EPHB4: variants seen among roughly 807,000 people sequenced by gnomAD.
The protein encoded by EPHB4 is ephrin type-B receptor 4.
Under a neutral mutation model 110.6 loss-of-function variants are expected in EPHB4, and 50 were observed. The ratio of observed to expected loss-of-function variants is 0.45; its 90% CI spans 0.36 to 0.57. EPHB4 has a LOEUF of 0.57. Ranked by LOEUF, EPHB4 falls within the 20% of genes least tolerant of loss-of-function variation. The pLI, the probability that EPHB4 is intolerant of heterozygous loss-of-function variation, is 0.00. For synonymous variants in EPHB4, 592 were observed against 578.4 expected (o/e 1.02, Z -0.34); for missense variants, 1,128 against 1,382.1 (o/e 0.82, Z 2.91).
rs1488860277 is a variant in EPHB4, at chr7:100,813,943, A to G, written c.1667T>C (p.Ile556Thr). 7 of 1,614,118 alleles carry G rather than the reference A, an allele frequency of 4.3e-6. No homozygotes were observed. The highest frequency in any genetic ancestry group is 2.2e-5 in the South Asian group (2 of 91,078). ...VVGVVLVLVVIVVAVLCLRKQ... is the reference protein window; with the variant it reads ...VVGVVLVLVVTVVAVLCLRKQ... ...CCTGAGGCAGAGAACTGCGACCACA[A>G]TGACCACCAGGACCAGGACCACACC... The change falls in exon 9 of 17, where the codon ATT (isoleucine) becomes ACT (threonine). Residue 556 changes from isoleucine to threonine, a missense_variant. Physicochemically the swap from Ile to Thr is moderately conservative, Grantham distance 89. Around this residue, in one of 3 missense-constraint regions of EPHB4, gnomAD observed 728 missense variants for 828.6 expected, o/e 0.88. Coordinates refer to ENST00000358173, the MANE Select transcript of EPHB4 (RefSeq NM_004444.5).
intron 12 of EPHB4, among the ~76,000 whole-genome samples, chr7:100,812,503 C>T (rs572114375): frequency 4.8e-4 from 73 of 152,196 alleles, no homozygotes; most frequent in African/African-American, 1.5e-3. Flanking sequence ...GCAGGAGAAT[C>T]GCTTGAACCC....
At chr7:100,823,548 G>C in intron 3 of EPHB4, 96 bp downstream of exon 3, 2 of 1,491,220 alleles carry the variant, frequency 1.3e-6, no homozygotes, top group African/African-American at 2.8e-5. Flanking sequence ...GCGCGGGCCA[G>C]AGGCCTCGCA....
At chr7:100,816,605 G>A (rs1299331490) in intron 8 of EPHB4, among the ~76,000 whole-genome samples, 1 of 152,028 alleles carries the variant, frequency 6.6e-6, no homozygotes, top group Non-Finnish European at 1.5e-5. Context: ...AAGTGCTGGG[G>A]TTACAGGGTG....
intron 12 of EPHB4, among the ~76,000 whole-genome samples, chr7:100,810,300 T>C (rs1054030137): frequency 1.3e-5 from 2 of 151,930 alleles, no homozygotes; most frequent in Non-Finnish European, 2.9e-5. Flanking sequence ...GAGCTTCTCT[T>C]ACAGGAAATA....
Position 100,805,521 on chromosome 7 carries a change from G to A in EPHB4, c.2658C>T (p.Ile886=), listed in dbSNP as rs149061889. The A allele has an allele frequency of 1.3e-3, 2,000 of 1,522,276 alleles. 15 individuals are homozygous for A. In the African/African-American group the frequency reaches 0.024, roughly 18 times the overall value. The allele number at this position is 1,522,276 out of a possible 1,614,324, so 94.3% of individuals were successfully genotyped here. A position where few individuals can be genotyped will look rare whatever the true frequency, so the allele number is the denominator to read the frequency against. ...KMIRNPASLK[I]VARENGGASH... ...CTCACCCGCCATTCTCCCGGGCCAC[G>A]ATTTTGAGGCTGGCGGGGTTCCGGA... Residue 886 remains isoleucine (I), a synonymous_variant, in exon 15 of 17, where the codon ATC becomes ATT. Coordinates refer to ENST00000358173, the MANE Select transcript of EPHB4 (RefSeq NM_004444.5).
At chr7:100,814,054 C>T (rs774295924) in intron 8 of EPHB4, 33 bp from the exon 9 acceptor site, 21 of 1,610,458 alleles carry the variant, frequency 1.3e-5, no homozygotes, top group Non-Finnish European at 1.5e-5. Context: ...TCAGGAGAAA[C>T]TGATGGTCCT....
intron 12 of EPHB4, among the ~76,000 whole-genome samples, chr7:100,808,739 T>C (rs1411515459): frequency 6.6e-6 from 1 of 152,168 alleles, no homozygotes; most frequent in Non-Finnish European, 1.5e-5. Flanking sequence ...ACAAATCCCG[T>C]ATTCTGGGTT....
intron 1 of EPHB4, chr7:100,825,523 G>C (rs909477188): frequency 6.6e-6 from 1 of 152,250 alleles, no homozygotes; most frequent in East Asian, 1.9e-4. Context: ...CTGTCAGTTC[G>C]CATGTCTCTC....
chr7:100,823,691 T>C lies in EPHB4; in HGVS notation c.364A>G (p.Thr122Ala). ...CAGGCTGGCGTGAGGGCCGTGGCCG[T>C]GTCCGCATCGCTCTCATAGTAGAAG... The part of the protein sequence containing the change: ...TVFYYESDAD[T>A]ATALTPAWME... Residue 122 changes from threonine (T) to alanine (A), a missense_variant, in exon 3 of 17, where the codon ACG (threonine) becomes GCG (alanine). Around this residue, in one of 3 missense-constraint regions of EPHB4, gnomAD observed 728 missense variants for 828.6 expected, o/e 0.88. Transcript: ENST00000358173. 1.2e-6 allele frequency: 2 copies of C among 1,613,500 alleles called. No individual in the cohort carries two copies. The highest frequency in any genetic ancestry group is 2.2e-5 in the South Asian group (2 of 91,090).
chr7:100,803,915 T>G (rs1584651370), intron 16 of EPHB4, among the ~76,000 whole-genome samples: 1 of 149,494 alleles, frequency 6.7e-6, no homozygotes, highest in Non-Finnish European at 1.5e-5. Flanking sequence ...GGAAATGGAG[T>G]GTGAGAAAGA....
intron 1 of EPHB4, among the ~76,000 whole-genome samples, chr7:100,826,205 A>C (rs1813391194): frequency 6.6e-6 from 1 of 152,164 alleles, no homozygotes; most frequent in Admixed American, 6.5e-5. Flanking sequence ...TGGCCAAAGA[A>C]ATGCTTGGAG....
intron 8 of EPHB4, among the ~76,000 whole-genome samples, chr7:100,816,986 G>C (rs572313618): frequency 6.6e-6 from 1 of 151,942 alleles, no homozygotes; most frequent in Admixed American, 6.6e-5. Flanking sequence ...GGGAGGCTGA[G>C]GCAGGAGAAT....
intron 12 of EPHB4, among the ~76,000 whole-genome samples, chr7:100,811,690 G>A (rs1449626393): frequency 1.3e-5 from 2 of 151,736 alleles, no homozygotes; most frequent in East Asian, 1.9e-4. Context: ...GCAACCTATC[G>A]AGATCCTGTC....
At chr7:100,806,046 G>A in intron 14 of EPHB4, 3 of 275,166 alleles carry the variant, frequency 1.1e-5, no homozygotes, top group Non-Finnish European at 2.0e-5. Context: ...TGCAACCTCT[G>A]TTCCTGGGTT....
chr7:100,821,125 C>G (rs957237104), intron 4 of EPHB4: 1 of 149,806 alleles, frequency 6.7e-6, no homozygotes, highest in African/African-American at 2.4e-5. Flanking sequence ...GAAACTCCTT[C>G]TTGTTGGAGT....
chr7:100,823,056 T>G (rs1226899533), intron 3 of EPHB4, among the ~76,000 whole-genome samples: 2 of 152,046 alleles, frequency 1.3e-5, no homozygotes, highest in Non-Finnish European at 2.9e-5. Context: ...GAGGCCGAGG[T>G]GGGAGAAATC....
In EPHB4 at chr7:100,822,463, G is replaced by C. The variant is rs746199977; in HGVS notation, c.616C>G (p.Arg206Gly). 3.1e-6 allele frequency: 5 copies of C among 1,608,418 alleles called. No homozygotes were observed. Among genetic ancestry groups the C allele is most frequent in the Non-Finnish European group, 4.3e-6 (5 of 1,176,102 alleles). The change falls in exon 4 of 17, where the codon CGA becomes GGA. Residue 206 changes from arginine (R) to glycine (G), a missense_variant. By Grantham distance (125) the Arg-to-Gly change is moderately radical (BLOSUM62 -2). Around this residue, in one of 3 missense-constraint regions of EPHB4, gnomAD observed 728 missense variants for 828.6 expected, o/e 0.88. Transcript: ENST00000358173. This position sits in a 1 kb window ranked among gnomAD's most constrained non-coding sequence, Gnocchi z 4.7. ...TCCCGAGGCACAGTCTCCGGGAATC[G>C]AGTCAGGTTCACAGTCAGCTGGGCG... The part of the protein sequence containing the change: ...KCAQLTVNLT[R>G]FPETVPRELV...
rs966079758 is a variant in EPHB4 at position 100,818,655 on chromosome 7, C to A, written c.1298-11G>T. On this transcript the variant is annotated splice_polypyrimidine_tract_variant and intron_variant, in intron 6 of 16. Transcript: ENST00000358173. ...ACACTGCAGGAGGTACTGTGAGAGG[C>A]AGAGACACAGGGAACCCTTGTGCAT... 6.2e-7 allele frequency: 1 copy of A among 1,605,434 alleles called. No individual in the cohort carries two copies. The highest frequency in any genetic ancestry group is 8.5e-7 in the Non-Finnish European group (1 of 1,178,950).
chr7:100,824,101 G>C (rs977895354), intron 2 of EPHB4, 102 bp downstream of exon 2: 3 of 1,560,890 alleles, frequency 1.9e-6, no homozygotes, highest in Non-Finnish European at 2.6e-6. Context: ...TGTCATCTGG[G>C]GGGACAGGGG....
Sources: allele counts gnomAD v4.1 joint callset (sites outside exome capture counted in the v4.1 genomes callset), GRCh38; gene constraint gnomAD v4.1.1; regional missense constraint gnomAD v4.1.1; non-coding constraint Gnocchi (gnomAD v3.1); transcripts MANE v1.5; gene names NCBI Gene and HGNC (gene_info 2026-07-23, HGNC 2026-07-21).